RAD9B: variants seen among roughly 807,000 people sequenced by gnomAD.
The protein encoded by RAD9B is cell cycle checkpoint control protein RAD9B.
A neutral mutation model predicts 48.3 loss-of-function variants in RAD9B; 41 were observed. That is an observed-to-expected ratio of 0.85 (90% confidence interval 0.66 to 1.10). RAD9B has a LOEUF of 1.10. Among genes scored for constraint, RAD9B ranks in the 50% least tolerant of loss-of-function variants. The pLI is 0.00. For missense variants in RAD9B, 444 were observed against 485.1 expected (o/e 0.92, Z 0.80); for synonymous variants, 160 against 157.9 (o/e 1.01, Z -0.10).
chr12:110,517,176 A>G (rs1168857657), intron 6 of RAD9B, among the ~76,000 whole-genome samples: 1 of 151,400 alleles, frequency 6.6e-6, no homozygotes, highest in East Asian at 1.9e-4. Flanking sequence ...CTACAAAAAT[A>G]AAAAATTAGC....
chr12:110,506,490 G>T (rs1462267422), intron 3 of RAD9B, 89 bp from the exon 4 acceptor site: 1 of 738,054 alleles, frequency 1.4e-6, no homozygotes, highest in Non-Finnish European at 2.4e-6. Flanking sequence ...GCCTGGCCAA[G>T]TCTGTTCATT....
At chr12:110,516,716 A>G (rs1041552796) in intron 6 of RAD9B, among the ~76,000 whole-genome samples, 6 of 151,924 alleles carry the variant, frequency 3.9e-5, no homozygotes, top group South Asian at 2.1e-4. Context: ...AGGCTGAGAC[A>G]GGGGATTAAT....
At chr12:110,523,892 T>G (rs1475382673) in intron 10 of RAD9B, among the ~76,000 whole-genome samples, 1 of 152,230 alleles carries the variant, frequency 6.6e-6, no homozygotes, top group Non-Finnish European at 1.5e-5. Flanking sequence ...TGTGGCAAAC[T>G]CCTGCAAAGC....
chr12:110,512,516 G>C, intron 4 of RAD9B, among the ~76,000 whole-genome samples: 1 of 152,116 alleles, frequency 6.6e-6, no homozygotes, highest in Non-Finnish European at 1.5e-5. Context: ...AGAAGAACAA[G>C]AAGAAGAAGG....
At chr12:110,510,477 G>C (rs1593053813) in intron 4 of RAD9B, among the ~76,000 whole-genome samples, 1 of 152,154 alleles carries the variant, frequency 6.6e-6, no homozygotes, top group Non-Finnish European at 1.5e-5. Flanking sequence ...GTTCCGAGCT[G>C]AGTCCTGTCA....
chr12:110,505,915 C>T (rs143007073), intron 3 of RAD9B, 143 bp downstream of exon 3: 92 of 682,954 alleles, frequency 1.3e-4, no homozygotes, highest in African/African-American at 1.3e-3. Context: ...GACAGAGTCT[C>T]GCTTTCTTAC....
rs181614734 is a variant in RAD9B, at chr12:110,504,800, C to T, written c.118-817C>T. On this transcript the variant is annotated intron_variant, in intron 2 of 10. Coordinates refer to ENST00000409300, the MANE Select transcript of RAD9B (RefSeq NM_001286535.2). ...TCACTTGAGCCCAGGAGTTCGAGAC[C>T]AGCCTGAGCAACAAAGCAAGACACT... 6.8e-3 allele frequency among the ~76,000 whole-genome samples: 1,041 copies of T among 152,090 alleles called. 1 individual carries two copies. The highest frequency in any genetic ancestry group is 9.4e-3 in the Non-Finnish European group (636 of 67,990).
chr12:110,526,369 G>A (rs1035662229), intron 10 of RAD9B, among the ~76,000 whole-genome samples: 2 of 152,152 alleles, frequency 1.3e-5, no homozygotes, highest in Non-Finnish European at 2.9e-5. Flanking sequence ...AGACTTACAG[G>A]CTGAAGGTGG....
Position 110,527,278 on chromosome 12 carries a change from A to G in RAD9B, c.1126-3247A>G, listed in dbSNP as rs368522903. On this transcript the variant is annotated intron_variant, in intron 10 of 10. Coordinates refer to ENST00000409300, the MANE Select transcript of RAD9B (RefSeq NM_001286535.2). Reference sequence around the variant, plus strand: ...TCTTCTGTCTCCCTCTTCCATTTCTATGGATCGCTGTGATTACATTGGGCC... The same window carrying G: ...TCTTCTGTCTCCCTCTTCCATTTCTGTGGATCGCTGTGATTACATTGGGCC... Among the ~76,000 whole-genome samples the G allele has an allele frequency of 1.4e-4, 22 of 152,176 alleles. No individual in the cohort carries two copies. The South Asian group carries it at 3.5e-3, about 24-fold the overall frequency.
Position 110,512,820 on chromosome 12 carries a change from C to G in RAD9B, c.430C>G (p.Pro144Ala), listed in dbSNP as rs1400658582. The change falls in exon 5 of 11, where the codon CCT (proline) becomes GCT (alanine). Residue 144 changes from proline (P) to alanine (A), a missense_variant. By Grantham distance (27) the Pro-to-Ala change is conservative. Coordinates refer to ENST00000409300, the MANE Select transcript of RAD9B (RefSeq NM_001286535.2). ...THNICFQESQ[P>A]LQVIFDKNVC... is the part of the protein sequence containing the mutation. ...TAATATATGTTTTCAAGAAAGTCAG[C>G]CTTTGCAAGTTATTTTTGACAAGAA... 6.6e-7 allele frequency: 1 copy of G among 1,525,652 alleles called. No homozygotes were observed. Among genetic ancestry groups the G allele is most frequent in the East Asian group, 2.3e-5 (1 of 43,256 alleles). 94.5% of individuals were successfully genotyped at this position (1,525,652 alleles called of 1,614,324 possible).
intron 6 of RAD9B, among the ~76,000 whole-genome samples, chr12:110,517,751 G>C (rs985955480): frequency 2.3e-4 from 32 of 141,520 alleles, no homozygotes; most frequent in African/African-American, 7.3e-4. Context: ...ACAAAACATT[G>C]ACACACACAC....
chr12:110,519,972 T>C, intron 9 of RAD9B, 56 bp downstream of exon 9: 1 of 1,550,258 alleles, frequency 6.5e-7, no homozygotes, highest in Non-Finnish European at 8.7e-7. Context: ...TAATCTTATT[T>C]TGAAATAATT....
chr12:110,522,318 T>C lies in RAD9B; in HGVS notation c.1032T>C (p.Pro344=), dbSNP rs1209729847. ...NISALENCGS[P]AMKRVDGDVS... ...CTGCATTGGAAAACTGTGGCAGCCCTGCAATGAAAAGAGTGGATGGAGATG... is the reference window on the plus strand; with the variant it reads ...CTGCATTGGAAAACTGTGGCAGCCCCGCAATGAAAAGAGTGGATGGAGATG... The change falls in exon 10 of 11, where the codon CCT becomes CCC. Residue 344 remains proline, a synonymous_variant. Transcript: ENST00000409300. 6.2e-7 allele frequency: 1 copy of C among 1,613,690 alleles called. No individual in the cohort carries two copies.
intron 4 of RAD9B, among the ~76,000 whole-genome samples, chr12:110,507,220 T>C (rs1369053893): frequency 6.6e-6 from 1 of 151,756 alleles, no homozygotes; most frequent in Non-Finnish European, 1.5e-5. Context: ...CGGTATTATT[T>C]CTTTTTTTGA....
chr12:110,507,458 T>C (rs2063320781), intron 4 of RAD9B, among the ~76,000 whole-genome samples: 1 of 135,118 alleles, frequency 7.4e-6, no homozygotes, highest in Non-Finnish European at 1.5e-5. Flanking sequence ...ATAACACGTA[T>C]TAAGTATAAT....
chr12:110,519,029 C>A, intron 8 of RAD9B, 91 bp downstream of exon 8: 1 of 816,510 alleles, frequency 1.2e-6, no homozygotes, highest in Non-Finnish European at 1.9e-6. Flanking sequence ...ATTAACACCT[C>A]AGGAATACCT....
rs2063689311 is a variant in RAD9B at position 110,518,856 on chromosome 12, CTTCTT to C, written c.703-10_703-6del. The C allele has an allele frequency of 1.9e-6, 3 of 1,576,966 alleles. No homozygotes were observed. The highest frequency in any genetic ancestry group is 2.6e-6 in the Non-Finnish European group (3 of 1,160,954). On this transcript the variant is annotated splice_polypyrimidine_tract_variant and intron_variant, in intron 7 of 10. Coordinates refer to ENST00000409300, the MANE Select transcript of RAD9B (RefSeq NM_001286535.2). ...TTTTATAAGGATTTTAAGTTTTTTT[CTTCTT>C]TTCTTTTTTCAGGGAATACTGACAT...
intron 10 of RAD9B, among the ~76,000 whole-genome samples, chr12:110,524,573 AATT>A (rs970129463): frequency 2.6e-5 from 4 of 151,532 alleles, no homozygotes; most frequent in African/African-American, 9.7e-5. Flanking sequence ...AAAAGAAAAA[AATT>A]ATTGTTGTTA....
intron 5 of RAD9B, 138 bp downstream of exon 5, chr12:110,513,016 A>G: frequency 1.8e-6 from 1 of 561,174 alleles, no homozygotes; most frequent in Non-Finnish European, 3.1e-6. Flanking sequence ...CCCAGGCTGG[A>G]GTGCAGTGGC....
Sources: gnomAD v4.1 joint callset for allele counts (sites outside exome capture counted in the v4.1 genomes callset) on GRCh38, gnomAD v4.1.1 for gene constraint, MANE v1.5 for transcripts, NCBI Gene and HGNC (gene_info 2026-07-23, HGNC 2026-07-21) for gene names.